Variants in RNLS observed in about 807,000 individuals in gnomAD.
The protein encoded by RNLS is renalase.
RNLS carries 39 observed loss-of-function variants against 39.8 expected under a neutral mutation model. That is an observed-to-expected ratio of 0.98 (90% CI 0.76 to 1.28). RNLS has a LOEUF of 1.28. Among genes scored for constraint, RNLS ranks in the 50% most tolerant of loss-of-function variants. The probability of loss-of-function intolerance (pLI) is 0.00; values close to 1 mark genes in which losing one functional copy is unlikely to be tolerated. For synonymous variants in RNLS, 147 were observed against 150.7 expected (o/e 0.98, Z 0.18); for missense variants, 410 against 413.3 (o/e 0.99, Z 0.07).
At chr10:88,222,343 T>C in the RNLS span, among the ~76,000 whole-genome samples, 10 of 152,262 alleles carry the variant, frequency 6.6e-5, no homozygotes, top group Admixed American at 3.3e-4. Context: ...TTATGGCTAG[T>C]AGGATGTGAT....
chr10:88,510,202 G>C (rs973025141), intron 4 of RNLS, among the ~76,000 whole-genome samples: 2 of 151,964 alleles, frequency 1.3e-5, no homozygotes, highest in African/African-American at 4.8e-5. Context: ...TATATAAATT[G>C]AATGCACACT....
rs148749882 is a variant in RNLS at position 88,314,639 on chromosome 10, A to G, written c.703T>C (p.Ser235Pro). The G allele has an allele frequency of 1.2e-6, 2 of 1,612,484 alleles. No individual in the cohort carries two copies. Among genetic ancestry groups the G allele is most frequent in the Non-Finnish European group, 1.7e-6 (2 of 1,179,174 alleles). ...SIDNKKRNIESSEIGPSLVIH... is the reference protein window; with the variant it reads ...SIDNKKRNIEPSEIGPSLVIH... ...ACGAGGGAAGGCCCAATTTCTGATG[A>G]CTCTGTGGCATAAGAGGATCATAAA... Residue 235 changes from serine (S) to proline (P), a missense_variant and splice_region_variant, in exon 6 of 7, where the codon TCA becomes CCA. By Grantham distance (74) the Ser-to-Pro change is moderately conservative (BLOSUM62 -1). Transcript: ENST00000331772.
chr10:88,375,540 A>C (rs1221243860), intron 4 of RNLS, among the ~76,000 whole-genome samples: 1 of 151,894 alleles, frequency 6.6e-6, no homozygotes. Flanking sequence ...GGCAGATTAC[A>C]ACATTATTTC....
intron 4 of RNLS, among the ~76,000 whole-genome samples, chr10:88,540,116 T>A (rs926353584): frequency 6.6e-6 from 1 of 152,140 alleles, no homozygotes; most frequent in African/African-American, 2.4e-5. Context: ...TTTTTATAAC[T>A]AAAGGATATA....
chr10:88,229,023 A>T, the RNLS span, among the ~76,000 whole-genome samples: 5 of 152,162 alleles, frequency 3.3e-5, no homozygotes, highest in Admixed American at 3.3e-4. Flanking sequence ...CAATCAATCC[A>T]TCAATCCACC....
chr10:88,539,883 G>T (rs1342644359), intron 4 of RNLS, among the ~76,000 whole-genome samples: 1 of 151,304 alleles, frequency 6.6e-6, no homozygotes, highest in African/African-American at 2.4e-5. Flanking sequence ...ACCTTTATTT[G>T]TTCCATCAAT....
rs1843168360 is a variant in RNLS at position 88,284,990 on chromosome 10, T to C, written c.*364A>G. 1.0e-6 allele frequency: 1 copy of C among 994,964 alleles called. No homozygotes were observed. Among genetic ancestry groups the C allele is most frequent in the Non-Finnish European group, 1.2e-6 (1 of 836,370 alleles). 61.6% of individuals were successfully genotyped at this position (994,964 alleles called of 1,614,324 possible). On this transcript the variant is annotated 3_prime_UTR_variant, in exon 7 of 7. Coordinates refer to ENST00000331772, the MANE Select transcript of RNLS (RefSeq NM_001031709.3). ...GCTTTGATAATGTGATTATTCTTTA[T>C]TCAGAATTGAAATTTTCATAAGGAT...
intron 4 of RNLS, among the ~76,000 whole-genome samples, chr10:88,385,439 A>G (rs1851800924): frequency 6.6e-6 from 1 of 152,196 alleles, no homozygotes; most frequent in Non-Finnish European, 1.5e-5. Context: ...AGGTATTTCT[A>G]TTTATTAAAC....
chr10:88,335,766 A>T (rs1027814624), intron 5 of RNLS, among the ~76,000 whole-genome samples: 2 of 152,200 alleles, frequency 1.3e-5, no homozygotes, highest in Non-Finnish European at 2.9e-5. Flanking sequence ...TTCCTGCCAA[A>T]CAAAGCCTCA....
the RNLS span, among the ~76,000 whole-genome samples, chr10:88,268,548 G>C: frequency 1.3e-5 from 2 of 152,190 alleles, no homozygotes; most frequent in African/African-American, 4.8e-5. Flanking sequence ...TTTCAAAAAT[G>C]AATCAGGATG....
At chr10:88,203,306 A>ACG in the RNLS span, among the ~76,000 whole-genome samples, 2 of 17,238 alleles carry the variant, frequency 1.2e-4, no homozygotes, top group African/African-American at 5.5e-4. Context: ...GTATATATAT[A>ACG]TATATACGTA....
chr10:88,577,374 A>T (rs959610761), intron 3 of RNLS, among the ~76,000 whole-genome samples: 1 of 152,190 alleles, frequency 6.6e-6, no homozygotes, highest in African/African-American at 2.4e-5. Flanking sequence ...TGAGAGACTT[A>T]ATAGAAAAAA....
intron 3 of RNLS, among the ~76,000 whole-genome samples, chr10:88,574,040 C>G (rs1850014107): frequency 6.6e-6 from 1 of 152,082 alleles, no homozygotes; most frequent in South Asian, 2.1e-4. Context: ...ACTAAGCAGG[C>G]TAAGACACGA....
the RNLS span, among the ~76,000 whole-genome samples, chr10:88,216,631 C>T: frequency 6.6e-6 from 1 of 152,180 alleles, no homozygotes; most frequent in Non-Finnish European, 1.5e-5. Context: ...AGCAAACTGA[C>T]CTGGTGTGAG....
chr10:88,431,911 T>C (rs772770096), intron 4 of RNLS, among the ~76,000 whole-genome samples: 28 of 151,830 alleles, frequency 1.8e-4, no homozygotes, highest in Non-Finnish European at 2.7e-4. Context: ...AAATTTTTCA[T>C]GTACATTTGA....
chr10:88,493,869 T>A lies in RNLS; in HGVS notation c.526+79034A>T, dbSNP rs144667407. Among the ~76,000 whole-genome samples the A allele has an allele frequency of 5.8e-3, 879 of 152,260 alleles. 6 individuals carry two copies. The highest frequency in any genetic ancestry group is 5.7e-3 in the Non-Finnish European group (390 of 68,012). On this transcript the variant is annotated intron_variant, in intron 4 of 6. Coordinates refer to ENST00000331772, the MANE Select transcript of RNLS (RefSeq NM_001031709.3). ...TCTACCACTGCTGACGACTGGGTTA[T>A]AAAAACATTCCTGAACAATTGTGAA...
At chr10:88,174,163 T>C in the RNLS span, among the ~76,000 whole-genome samples, 1 of 152,160 alleles carries the variant, frequency 6.6e-6, no homozygotes. Context: ...CTTTAGAATT[T>C]TTTTAATATG....
intron 4 of RNLS, among the ~76,000 whole-genome samples, chr10:88,496,605 G>C (rs1268955408): frequency 6.6e-6 from 1 of 152,026 alleles, no homozygotes; most frequent in African/African-American, 2.4e-5. Flanking sequence ...CAATTTCTAA[G>C]ACTTCAGAAT....
At chr10:88,427,531 C>T (rs1564791391) in intron 4 of RNLS, among the ~76,000 whole-genome samples, 1 of 151,954 alleles carries the variant, frequency 6.6e-6, no homozygotes, top group Non-Finnish European at 1.5e-5. Flanking sequence ...ACTCCAGATG[C>T]AGGCATGAAA....
Sources: gnomAD v4.1 joint callset for allele counts (sites outside exome capture counted in the v4.1 genomes callset) on GRCh38, gnomAD v4.1.1 for gene constraint, MANE v1.5 for transcripts, NCBI Gene and HGNC (gene_info 2026-07-23, HGNC 2026-07-21) for gene names.